The following ZBTB16 variants were observed in gnomAD, a reference collection of about 807,000 sequenced individuals.
ZBTB16 encodes the protein zinc finger and BTB domain-containing protein 16.
In ZBTB16, 8 loss-of-function variants were observed where a neutral mutation model predicts 56.8. The ratio of observed to expected loss-of-function variants is 0.14; its 90% CI spans 0.08 to 0.25. ZBTB16 has a LOEUF of 0.25. ZBTB16 is among the 10% of genes least tolerant of loss of function. The probability of loss-of-function intolerance (pLI) is 1.00; values close to 1 mark genes in which losing one functional copy is unlikely to be tolerated. For missense variants in ZBTB16, 625 were observed against 903.0 expected (o/e 0.69, Z 3.95); for synonymous variants, 363 against 368.5 (o/e 0.98, Z 0.17).
Position 114,251,713 on chromosome 11 carries a change from T to C in ZBTB16, c.*1158T>C, listed in dbSNP as rs187182849. The stretch of plus-strand genomic sequence containing the variant: ...TCCAGAGAGAGTCGCACAGAATTCC[T>C]GACTCACAGCGCCCCTCGGTCCACA... On this transcript the variant is annotated 3_prime_UTR_variant, in exon 7 of 7. Coordinates refer to ENST00000335953, the MANE Select transcript of ZBTB16 (RefSeq NM_006006.6). 3.8e-4 allele frequency among the ~76,000 whole-genome samples: 58 copies of C among 152,274 alleles called. No homozygotes were observed. The highest frequency in any genetic ancestry group is 1.2e-3 in the African/African-American group (51 of 41,550).
At position 114,145,386 on chromosome 11, in the gene ZBTB16, C is replaced by T. The variant is rs868589607; in HGVS notation, c.1269-10951C>T. On this transcript the variant is annotated intron_variant, in intron 2 of 6. Coordinates refer to ENST00000335953, the MANE Select transcript of ZBTB16 (RefSeq NM_006006.6). The stretch of plus-strand genomic sequence containing the variant: ...CACAAATGTTCATAGCAGCATTATT[C>T]GTAATAGCCAAAAGGTCAAAACAAC... Among the ~76,000 whole-genome samples, 8 of 152,180 alleles carry T rather than the reference C, an allele frequency of 5.3e-5. 1 individual carries two copies. The highest frequency in any genetic ancestry group is 6.5e-5 in the Admixed American group (1 of 15,278).
chr11:114,205,327 G>A lies in ZBTB16; in HGVS notation c.1453+18289G>A, dbSNP rs867753471. On this transcript the variant is annotated intron_variant, in intron 4 of 6. Coordinates refer to ENST00000335953, the MANE Select transcript of ZBTB16 (RefSeq NM_006006.6). ...CAGGAGGCTGAGGCAGGAGAATGAC[G>A]TGAACCCGGGAGGTGGAGCTTGCAG... Among the ~76,000 whole-genome samples, 10 of 151,746 alleles carry A rather than the reference G, an allele frequency of 6.6e-5. No individual in the cohort carries two copies. In the East Asian group the frequency reaches 7.8e-4, roughly 12 times the overall value.
In ZBTB16 at chr11:114,124,567, A is replaced by C. The variant is rs567217185; in HGVS notation, c.1269-31770A>C. ...AACAAAAAAAAAAACCAAAAAAAAA[A>C]AAAAACAAAAACAAAACAAAAAAAA... On this transcript the variant is annotated intron_variant, in intron 2 of 6. Coordinates refer to ENST00000335953, the MANE Select transcript of ZBTB16 (RefSeq NM_006006.6). 4.2e-4 allele frequency among the ~76,000 whole-genome samples: 63 copies of C among 149,830 alleles called. 1 individual carries two copies. Among genetic ancestry groups the C allele is most frequent in the East Asian group, 7.9e-4 (4 of 5,056 alleles).
chr11:114,197,537 G>A (rs1943637649), intron 4 of ZBTB16, among the ~76,000 whole-genome samples: 1 of 152,056 alleles, frequency 6.6e-6, no homozygotes, highest in Non-Finnish European at 1.5e-5. Context: ...TTGGCTGCCT[G>A]CTTGCACTGG....
chr11:114,245,880 G>T (rs1045967920), intron 5 of ZBTB16, among the ~76,000 whole-genome samples: 2 of 152,146 alleles, frequency 1.3e-5, no homozygotes, highest in Admixed American at 6.5e-5. Flanking sequence ...CAGAGAAATT[G>T]TAATTACAGT....
chr11:114,246,560 C>T (rs12787076), intron 5 of ZBTB16, among the ~76,000 whole-genome samples: 11,232 of 152,180 alleles, frequency 0.074, 599 homozygotes, highest in Middle Eastern at 0.15. Context: ...AAATTCTGGG[C>T]ATTTCTTCTC....
At chr11:114,233,009 G>C (rs1944472443) in intron 4 of ZBTB16, among the ~76,000 whole-genome samples, 1 of 149,434 alleles carries the variant, frequency 6.7e-6, no homozygotes. Flanking sequence ...TACCTCTCCG[G>C]ATTTACTTTC....
At chr11:114,118,460 G>A (rs891868620) in intron 2 of ZBTB16, among the ~76,000 whole-genome samples, 1 of 152,324 alleles carries the variant, frequency 6.6e-6, no homozygotes, top group African/African-American at 2.4e-5. Flanking sequence ...ACAGGTGTGA[G>A]CCACCGTGCC....
intron 2 of ZBTB16, among the ~76,000 whole-genome samples, chr11:114,066,901 G>A (rs1939140255): frequency 6.6e-6 from 1 of 151,366 alleles, no homozygotes; most frequent in African/African-American, 2.4e-5. Context: ...CTCCTGAGTA[G>A]CTGGGACTAC....
chr11:114,125,681 C>T (rs748741908), intron 2 of ZBTB16, among the ~76,000 whole-genome samples: 18 of 152,066 alleles, frequency 1.2e-4, no homozygotes, highest in Non-Finnish European at 2.2e-4. Flanking sequence ...ATCAGTCGGA[C>T]CTCCTGGCCT....
chr11:114,199,291 C>T lies in ZBTB16; in HGVS notation c.1453+12253C>T, dbSNP rs547706092. ...GCCGCTGGGCCCAGGGACGGGGATGCCGGACATGGATGCCGCTGGGCCCCG... is the reference window on the plus strand; with the variant it reads ...GCCGCTGGGCCCAGGGACGGGGATGTCGGACATGGATGCCGCTGGGCCCCG... On this transcript the variant is annotated intron_variant, in intron 4 of 6. Coordinates refer to ENST00000335953, the MANE Select transcript of ZBTB16 (RefSeq NM_006006.6). Among the ~76,000 whole-genome samples, 3 of 144,044 alleles carry T rather than the reference C, an allele frequency of 2.1e-5. No homozygotes were observed. In the East Asian group the frequency reaches 6.2e-4, roughly 30 times the overall value. 94.5% of individuals were successfully genotyped at this position (144,044 alleles called of 152,430 possible). A position where few individuals can be genotyped will look rare whatever the true frequency, so the allele number is the denominator to read the frequency against.
intron 2 of ZBTB16, among the ~76,000 whole-genome samples, chr11:114,119,264 CAAAAAAAAAAA>C (rs71063549): frequency 0.038 from 2,165 of 57,334 alleles, 97 homozygotes; most frequent in African/African-American, 0.13. Context: ...AACTCTGTCT[CAAAAAAAAAAA>C]AAAAAAAAAA....
At chr11:114,209,430 C>T in intron 4 of ZBTB16, 1 of 985,342 alleles carries the variant, frequency 1.0e-6, no homozygotes, top group Non-Finnish European at 1.2e-6. Context: ...AAACAGGAGA[C>T]CCCGGTGCCT....
intron 5 of ZBTB16, among the ~76,000 whole-genome samples, chr11:114,242,575 G>A (rs113387877): frequency 9.2e-5 from 14 of 152,318 alleles, no homozygotes; most frequent in African/African-American, 2.2e-4. Flanking sequence ...CATTAAAAAG[G>A]CAGGCTCTTG....
intron 2 of ZBTB16, among the ~76,000 whole-genome samples, chr11:114,124,659 A>G (rs932602463): frequency 1.3e-5 from 2 of 152,166 alleles, no homozygotes; most frequent in Non-Finnish European, 2.9e-5. Flanking sequence ...CCACTGGCAA[A>G]TCAGCATCTC....
rs570241969 is a variant in ZBTB16 at position 114,102,240 on chromosome 11, C to T, written c.1268+37672C>T. 1.2e-4 allele frequency among the ~76,000 whole-genome samples: 18 copies of T among 152,274 alleles called. No individual in the cohort carries two copies. In the South Asian group the frequency reaches 3.7e-3, roughly 32 times the overall value. Reference sequence around the variant, plus strand: ...TTTAGGAGAAAAAAAAAATCCTTAACCAAATGCTTTAGGAAGGCTTTCTTA... The same window carrying T: ...TTTAGGAGAAAAAAAAAATCCTTAATCAAATGCTTTAGGAAGGCTTTCTTA... On this transcript the variant is annotated intron_variant, in intron 2 of 6. Transcript: ENST00000335953.
At position 114,108,000 on chromosome 11, in the gene ZBTB16, T is replaced by A. The variant is rs1230736026; in HGVS notation, c.1268+43432T>A. Among the ~76,000 whole-genome samples the A allele has an allele frequency of 3.3e-5, 5 of 152,126 alleles. No homozygotes were observed. The South Asian group carries it at 8.3e-4, about 25-fold the overall frequency. ...CCCACCTTTATTATGATGATTATTA[T>A]CATTATTATTATTAGTTTGTACTCA... is the stretch of plus-strand genomic sequence containing the variant. On this transcript the variant is annotated intron_variant, in intron 2 of 6. Coordinates refer to ENST00000335953, the MANE Select transcript of ZBTB16 (RefSeq NM_006006.6).
At chr11:114,183,597 C>T (rs555541246) in intron 3 of ZBTB16, among the ~76,000 whole-genome samples, 5 of 152,332 alleles carry the variant, frequency 3.3e-5, no homozygotes, top group South Asian at 2.1e-4. Flanking sequence ...CTTCCCTCCT[C>T]GGGCCTTTGC....
intron 3 of ZBTB16, among the ~76,000 whole-genome samples, chr11:114,169,670 C>G (rs777965237): frequency 2.4e-4 from 36 of 152,244 alleles, no homozygotes; most frequent in African/African-American, 8.7e-4. Flanking sequence ...GAGGGTGACA[C>G]GAGCCCCCTG....
Sources: allele counts gnomAD v4.1 joint callset (sites outside exome capture counted in the v4.1 genomes callset), GRCh38; gene constraint gnomAD v4.1.1; transcripts MANE v1.5; gene names NCBI Gene and HGNC (gene_info 2026-07-23, HGNC 2026-07-21).